The following DGLUCY variants were observed in gnomAD, a reference collection of about 807,000 sequenced individuals.
DGLUCY encodes D-glutamate cyclase.
In DGLUCY, 58 loss-of-function variants were observed where a neutral mutation model predicts 58.5. The observed-to-expected ratio is 0.99, with a 90% CI of 0.80 to 1.23. The LOEUF (loss-of-function observed/expected upper bound fraction) is 1.23. DGLUCY is among the 50% of genes most tolerant of loss of function. DGLUCY has a pLI of 0.00. For synonymous variants in DGLUCY, 325 were observed against 314.1 expected, an observed-to-expected ratio of 1.03 and a Z score of -0.37; for missense variants, 779 against 784.7, an observed-to-expected ratio of 0.99 and a Z score of 0.09.
chr14:91,131,095 A>G (rs889934096), intron 1 of DGLUCY, among the ~76,000 whole-genome samples: 2 of 152,084 alleles, frequency 1.3e-5, no homozygotes, highest in African/African-American at 4.8e-5. Context: ...GATTACAGCC[A>G]CGTACTACCA....
At chr14:91,069,478 C>T (rs558055032) in intron 1 of DGLUCY, among the ~76,000 whole-genome samples, 1 of 152,140 alleles carries the variant, frequency 6.6e-6, no homozygotes, top group South Asian at 2.1e-4. Context: ...CAGGGTTTCA[C>T]CATGTTGGCC....
intron 3 of DGLUCY, among the ~76,000 whole-genome samples, chr14:91,160,668 C>G (rs1197875378): frequency 6.6e-6 from 1 of 152,062 alleles, no homozygotes; most frequent in African/African-American, 2.4e-5. Context: ...TGGAGAACCA[C>G]CAGTGGGCTC....
In DGLUCY at chr14:91,095,149, T is replaced by C. The variant is rs549574357; in HGVS notation, c.-82+34445T>C. ...GAAAGCAGACCATGTGCCCACTTGC[T>C]TTTCTTCTTAGCAGCAGCAGAGCAG... On this transcript the variant is annotated intron_variant, in intron 1 of 4. Coordinates refer to the DGLUCY transcript ENST00000521334. Among the ~76,000 whole-genome samples, 4 of 152,146 alleles carry C rather than the reference T, an allele frequency of 2.6e-5. No homozygotes were observed. In the South Asian group the frequency reaches 6.2e-4, roughly 24 times the overall value.
chr14:91,078,319 A>C (rs929228165), intron 1 of DGLUCY, among the ~76,000 whole-genome samples: 4 of 152,218 alleles, frequency 2.6e-5, no homozygotes, highest in South Asian at 2.1e-4. Flanking sequence ...ATGGTATGCT[A>C]ATGAGCAATT....
At chr14:91,182,169 CG>C (rs1470163760) in intron 8 of DGLUCY, among the ~76,000 whole-genome samples, 1 of 151,962 alleles carries the variant, frequency 6.6e-6, no homozygotes, top group African/African-American at 2.4e-5. Flanking sequence ...TTAGTAGAGT[CG>C]AGGTTTCACC....
At chr14:91,206,176 C>G (rs891356918) in intron 12 of DGLUCY, among the ~76,000 whole-genome samples, 6 of 151,920 alleles carry the variant, frequency 3.9e-5, no homozygotes, top group Non-Finnish European at 1.5e-5. Context: ...CAGCCTTCCA[C>G]GTGGGAGAGG....
In DGLUCY at chr14:91,136,707, G is replaced by T. The variant is rs549961545; in HGVS notation, c.-81-20932G>T. The stretch of plus-strand genomic sequence containing the variant: ...CAAAAAAAAAGGCACGGTGGCTCGC[G>T]CCTGTAATCCCAGCACTTTGGGAGG... On this transcript the variant is annotated intron_variant, in intron 1 of 13. Coordinates refer to ENST00000256324, the MANE Select transcript of DGLUCY (RefSeq NM_001102368.3). Among the ~76,000 whole-genome samples the T allele has an allele frequency of 1.1e-4, 16 of 148,778 alleles. No individual in the cohort carries two copies. In the East Asian group the frequency reaches 2.8e-3, roughly 26 times the overall value.
rs2044770738 is a variant in DGLUCY, at chr14:91,114,231, G to A, written c.-134G>A. The A allele has an allele frequency of 6.6e-6, 1 of 152,344 alleles. No individual in the cohort carries two copies. The highest frequency in any genetic ancestry group is 6.5e-5 in the Admixed American group (1 of 15,280). 9.4% of individuals were successfully genotyped at this position (152,344 alleles called of 1,614,324 possible). A position where few individuals can be genotyped will look rare whatever the true frequency, so the allele number is the denominator to read the frequency against. On this transcript the variant is annotated 5_prime_UTR_variant, in exon 1 of 14. Coordinates refer to ENST00000256324, the MANE Select transcript of DGLUCY (RefSeq NM_001102368.3). The stretch of plus-strand genomic sequence containing the variant: ...GAAGCACACATTCTGCAAGGCCGTG[G>A]AAACAAAGGGAGGAACTGTTTGTAG...
intron 1 of DGLUCY, among the ~76,000 whole-genome samples, chr14:91,136,715 T>A (rs1172468950): frequency 7.0e-6 from 1 of 143,170 alleles, no homozygotes; most frequent in African/African-American, 2.6e-5. Flanking sequence ...GCGCCTGTAA[T>A]CCCAGCACTT....
intron 1 of DGLUCY, among the ~76,000 whole-genome samples, chr14:91,074,112 T>TACACACACAC (rs1397235461): frequency 8.2e-5 from 5 of 60,644 alleles, no homozygotes; most frequent in East Asian, 4.9e-4. Context: ...AAAATATATA[T>TACACACACAC]ATATATACAC....
At chr14:91,195,081 G>A (rs905232831) in intron 9 of DGLUCY, among the ~76,000 whole-genome samples, 1 of 152,208 alleles carries the variant, frequency 6.6e-6, no homozygotes, top group Non-Finnish European at 1.5e-5. Context: ...TGATGATGGA[G>A]ATTGAGGAGC....
intron 1 of DGLUCY, among the ~76,000 whole-genome samples, chr14:91,093,876 G>C (rs1000288088): frequency 6.6e-6 from 1 of 152,050 alleles, no homozygotes; most frequent in Non-Finnish European, 1.5e-5. Context: ...ATCTTGTATG[G>C]TTCCATTTAC....
At chr14:91,157,015 A>G (rs1031797685) in intron 1 of DGLUCY, among the ~76,000 whole-genome samples, 3 of 152,224 alleles carry the variant, frequency 2.0e-5, no homozygotes, top group African/African-American at 7.2e-5. Context: ...GGGTGAATGG[A>G]TGAATGGCTG....
At chr14:91,205,811 T>G (rs1393230310) in intron 12 of DGLUCY, among the ~76,000 whole-genome samples, 1 of 143,538 alleles carries the variant, frequency 7.0e-6, no homozygotes, top group Non-Finnish European at 1.5e-5. Context: ...CTCCTTCTCC[T>G]CCTCCTCCTC....
intron 1 of DGLUCY, among the ~76,000 whole-genome samples, chr14:91,082,410 G>A (rs577987292): frequency 6.6e-6 from 1 of 152,302 alleles, no homozygotes; most frequent in East Asian, 1.9e-4. Context: ...ACAGCCACGT[G>A]AAGCTTATTA....
chr14:91,154,726 C>T (rs1461210470), intron 1 of DGLUCY, among the ~76,000 whole-genome samples: 1 of 152,172 alleles, frequency 6.6e-6, no homozygotes, highest in Non-Finnish European at 1.5e-5. Flanking sequence ...GCCAACTTTG[C>T]GCTTTGGCTG....
chr14:91,198,701 A>G (rs1240899536), intron 10 of DGLUCY, among the ~76,000 whole-genome samples: 3 of 152,208 alleles, frequency 2.0e-5, no homozygotes, highest in Non-Finnish European at 4.4e-5. Flanking sequence ...AATCATAGCA[A>G]CAATAATCAC....
chr14:91,182,346 T>C (rs1025388984), intron 8 of DGLUCY, among the ~76,000 whole-genome samples: 6 of 152,162 alleles, frequency 3.9e-5, no homozygotes, highest in African/African-American at 1.4e-4. Flanking sequence ...TTGAGTTTAT[T>C]TGCTGGGCAT....
At chr14:91,213,734 C>T (rs72699653) in intron 12 of DGLUCY, among the ~76,000 whole-genome samples, 10,470 of 143,198 alleles carry the variant, frequency 0.073, 481 homozygotes, top group South Asian at 0.16. Context: ...GAGTCTTGGT[C>T]TGTTGCCCAG....
Sources: gnomAD v4.1 joint callset for allele counts (sites outside exome capture counted in the v4.1 genomes callset) on GRCh38, gnomAD v4.1.1 for gene constraint, MANE v1.5 for transcripts, NCBI Gene and HGNC (gene_info 2026-07-23, HGNC 2026-07-21) for gene names.